GRM4: variants seen among roughly 807,000 people sequenced by gnomAD.
GRM4 encodes the protein glutamate metabotropic receptor 4.
In GRM4, 28 loss-of-function variants were observed where a neutral mutation model predicts 81.7. The observed-to-expected ratio is 0.34, with a 90% confidence interval of 0.25 to 0.47. The LOEUF (loss-of-function observed/expected upper bound fraction) is 0.47. Among genes scored for constraint, GRM4 ranks in the 20% least tolerant of loss-of-function variants. GRM4 has a pLI of 1.00. For synonymous variants in GRM4, 488 were observed against 528.8 expected (o/e 0.92, Z 1.06); for missense variants, 948 against 1,290.0 (o/e 0.73, Z 4.06).
chr6:34,065,861 A>G (rs764201260), intron 3 of GRM4, among the ~76,000 whole-genome samples: 2 of 152,224 alleles, frequency 1.3e-5, no homozygotes, highest in Non-Finnish European at 2.9e-5. Context: ...TAGCAGGAGC[A>G]GAGCCACCTT....
chr6:34,056,689 C>G lies in GRM4; in HGVS notation c.1028-5G>C. On this transcript the variant is annotated splice_polypyrimidine_tract_variant and splice_region_variant and intron_variant, in intron 5 of 10. Transcript: ENST00000538487. ...TGGAGAAGTAGCGGTCGAAGCCTGG[C>G]AGGGAACCAGGACGTCAGGGCCTCA... 1 of 1,612,290 alleles carries G rather than the reference C, an allele frequency of 6.2e-7. No homozygotes were observed. The highest frequency in any genetic ancestry group is 8.5e-7 in the Non-Finnish European group (1 of 1,179,190).
intron 3 of GRM4, among the ~76,000 whole-genome samples, chr6:34,077,892 G>A (rs1282301861): frequency 1.3e-5 from 2 of 152,178 alleles, no homozygotes; most frequent in Non-Finnish European, 2.9e-5. Flanking sequence ...ACTTCGCACA[G>A]TGAATGAAAG....
At chr6:34,043,052 G>GC (rs1332228549) in intron 6 of GRM4, among the ~76,000 whole-genome samples, 4 of 152,156 alleles carry the variant, frequency 2.6e-5, no homozygotes, top group African/African-American at 9.7e-5. Context: ...GGGGTCATCT[G>GC]CCCCCGCTGC....
rs984094013 is a variant in GRM4, at chr6:34,068,019, G to A, written c.737-5991C>T. Reference sequence around the variant, plus strand: ...GCGCCTCCTATGTGCCAGGCATGGCGTGAGACACTGGGATGCAGCCATGCA... The same window carrying A: ...GCGCCTCCTATGTGCCAGGCATGGCATGAGACACTGGGATGCAGCCATGCA... On this transcript the variant is annotated intron_variant, in intron 3 of 10. Transcript: ENST00000538487. This position sits in a 1 kb window ranked among gnomAD's most constrained non-coding sequence, Gnocchi z 4.2. 7.2e-5 allele frequency among the ~76,000 whole-genome samples: 11 copies of A among 152,364 alleles called. No homozygotes were observed. Among genetic ancestry groups the A allele is most frequent in the African/African-American group, 2.4e-4 (10 of 41,588 alleles).
intron 3 of GRM4, among the ~76,000 whole-genome samples, chr6:34,082,996 C>G (rs899191338): frequency 1.3e-5 from 2 of 152,212 alleles, no homozygotes; most frequent in African/African-American, 4.8e-5. Context: ...GGAATTTTTT[C>G]AAACCCCAAA....
At chr6:34,062,540 A>G (rs1049354480) in intron 3 of GRM4, 1 of 144,356 alleles carries the variant, frequency 6.9e-6, no homozygotes, top group Non-Finnish European at 1.5e-5. Context: ...TAACCCGCTC[A>G]CAATGTTTCT....
rs1436222887 is a variant in GRM4, at chr6:34,020,209, G to A, written c.*2612C>T. ...GAGGGCAGGGCTATTTCTTCCCACT[G>A]GCAGGGGACTGGTAGTCCCTGAGGG... is the stretch of plus-strand genomic sequence containing the variant. On this transcript the variant is annotated 3_prime_UTR_variant, in exon 11 of 11. Coordinates refer to ENST00000538487, the MANE Select transcript of GRM4 (RefSeq NM_000841.4). The A allele has an allele frequency of 6.6e-6, 1 of 152,282 alleles. No individual in the cohort carries two copies. Among genetic ancestry groups the A allele is most frequent in the Non-Finnish European group, 1.5e-5 (1 of 68,116 alleles). The allele number at this position is 152,282 out of a possible 1,614,324, so 9.4% of individuals were successfully genotyped here. A position where few individuals can be genotyped will look rare whatever the true frequency, so the allele number is the denominator to read the frequency against.
intron 1 of GRM4, among the ~76,000 whole-genome samples, chr6:34,153,426 C>G (rs1429688854): frequency 6.6e-6 from 1 of 152,274 alleles, no homozygotes; most frequent in Non-Finnish European, 1.5e-5. Flanking sequence ...AACCCCAAGA[C>G]TGCCTTGGCT....
intron 3 of GRM4, among the ~76,000 whole-genome samples, chr6:34,083,671 G>C (rs1581672088): frequency 1.3e-5 from 2 of 152,196 alleles, no homozygotes; most frequent in African/African-American, 4.8e-5. Flanking sequence ...CAACGTCAGA[G>C]GGCAGAGTGC....
intron 3 of GRM4, among the ~76,000 whole-genome samples, chr6:34,088,591 T>C (rs1318737874): frequency 3.3e-5 from 5 of 152,200 alleles, no homozygotes; most frequent in Non-Finnish European, 5.9e-5. Flanking sequence ...GCTTCTGCAA[T>C]GCAAGCTGGA....
intron 3 of GRM4, among the ~76,000 whole-genome samples, chr6:34,073,396 TACAC>T (rs940124455): frequency 4.1e-5 from 5 of 122,688 alleles, no homozygotes; most frequent in South Asian, 2.7e-4. Context: ...TACACACAGA[TACAC>T]ACACAGTCAC....
Position 34,022,975 on chromosome 6 carries a change from G to A in GRM4, c.2690-105C>T. ...GCACAAGAACCTACCATAGCTCCCC[G>A]CCTCTCATGGCATCCAGTCCTGAGC... is the stretch of plus-strand genomic sequence containing the variant. On this transcript the variant is annotated intron_variant, in intron 10 of 10. Coordinates refer to ENST00000538487, the MANE Select transcript of GRM4 (RefSeq NM_000841.4). The surrounding 1 kb of genome is among the most constrained non-coding windows in gnomAD (Gnocchi z 5.6). The A allele has an allele frequency of 1.3e-5, 11 of 866,462 alleles. No individual in the cohort carries two copies. Among genetic ancestry groups the A allele is most frequent in the South Asian group, 5.4e-5 (4 of 74,152 alleles). 53.7% of individuals were successfully genotyped at this position (866,462 alleles called of 1,614,324 possible).
At chr6:34,039,550 C>G (rs1002852381) in intron 8 of GRM4, among the ~76,000 whole-genome samples, 5 of 152,232 alleles carry the variant, frequency 3.3e-5, no homozygotes, top group Admixed American at 2.6e-4. Flanking sequence ...AAACACTGCT[C>G]TGTTTCACAG....
At chr6:34,123,545 A>T (rs1769900032) in intron 2 of GRM4, among the ~76,000 whole-genome samples, 1 of 152,140 alleles carries the variant, frequency 6.6e-6, no homozygotes, top group African/African-American at 2.4e-5. Context: ...GAGGTCCAGG[A>T]GGGTCAGACT....
At chr6:34,126,888 A>G (rs1770045260) in intron 2 of GRM4, among the ~76,000 whole-genome samples, 1 of 152,094 alleles carries the variant, frequency 6.6e-6, no homozygotes, top group Non-Finnish European at 1.5e-5. Flanking sequence ...TGTCTCCTCT[A>G]CTCAGTTCTG....
chr6:34,040,911 A>G (rs1442669916), intron 6 of GRM4, among the ~76,000 whole-genome samples, 163 bp from the exon 7 acceptor site: 3 of 152,144 alleles, frequency 2.0e-5, no homozygotes, highest in Admixed American at 2.0e-4. Context: ...CACCCAGGAG[A>G]TGGCCCTGTG....
rs1764035977 is a variant in GRM4, at chr6:34,024,486, G to C, written c.2690-1616C>G. 8.4e-6 allele frequency: 3 copies of C among 359,154 alleles called. No homozygotes were observed. The Admixed American group carries it at 1.0e-4, about 13-fold the overall frequency. 22.2% of individuals were successfully genotyped at this position (359,154 alleles called of 1,614,324 possible). A position where few individuals can be genotyped will look rare whatever the true frequency, so the allele number is the denominator to read the frequency against. On this transcript the variant is annotated intron_variant, in intron 10 of 10. Transcript: ENST00000538487. ...TCTGATTTGAGCTGCTCAGTTCTGG[G>C]ACCTCTTTGTCACAGCAGTGTAACT...
chr6:34,146,187 T>A (rs1770925237), upstream of GRM4: 26 of 976,770 alleles, frequency 2.7e-5, no homozygotes, highest in Non-Finnish European at 3.0e-5. Context: ...ATGTGGCATG[T>A]TCATTTGCAC....
At chr6:34,117,833 T>C (rs1476929611) in intron 2 of GRM4, among the ~76,000 whole-genome samples, 2 of 152,264 alleles carry the variant, frequency 1.3e-5, no homozygotes, top group African/African-American at 4.8e-5. Context: ...CATCTCCTCA[T>C]GGAGAGAGGC....
Sources: allele counts gnomAD v4.1 joint callset (sites outside exome capture counted in the v4.1 genomes callset), GRCh38; gene constraint gnomAD v4.1.1; non-coding constraint Gnocchi (gnomAD v3.1); transcripts MANE v1.5; gene names NCBI Gene and HGNC (gene_info 2026-07-23, HGNC 2026-07-21).